GALNT18: variants seen among roughly 807,000 people sequenced by gnomAD.
GALNT18 encodes the protein polypeptide N-acetylgalactosaminyltransferase 18.
A neutral mutation model predicts 69.5 loss-of-function variants in GALNT18; 44 were observed. The observed-to-expected ratio is 0.63, with a 90% CI of 0.50 to 0.81. The LOEUF (loss-of-function observed/expected upper bound fraction) is 0.81, where lower values mean the gene tolerates loss of function less well. Ranked by LOEUF, GALNT18 falls within the 40% of genes least tolerant of loss-of-function variation. The pLI is 0.00. For synonymous variants in GALNT18, 364 were observed against 318.2 expected, an observed-to-expected ratio of 1.14 and a Z score of -1.53; for missense variants, 715 against 810.0, an observed-to-expected ratio of 0.88 and a Z score of 1.42.
intron 1 of GALNT18, among the ~76,000 whole-genome samples, chr11:11,576,285 C>T (rs1403188091): frequency 6.6e-6 from 1 of 152,216 alleles, no homozygotes; most frequent in East Asian, 1.9e-4. Flanking sequence ...GGCTGTGGCT[C>T]CAGGCAGAGC....
At chr11:11,335,334 T>C (rs1850093375) in intron 7 of GALNT18, among the ~76,000 whole-genome samples, 1 of 152,216 alleles carries the variant, frequency 6.6e-6, no homozygotes, top group Non-Finnish European at 1.5e-5. Flanking sequence ...TCCTGTGTAT[T>C]AATTGACTTT....
chr11:11,533,626 C>G (rs1243970768), intron 1 of GALNT18, among the ~76,000 whole-genome samples: 1 of 152,254 alleles, frequency 6.6e-6, no homozygotes, highest in Non-Finnish European at 1.5e-5. Context: ...TTTACCTCCT[C>G]TCCACAACAG....
chr11:11,284,574 A>T (rs944408855), intron 10 of GALNT18, among the ~76,000 whole-genome samples: 2 of 152,196 alleles, frequency 1.3e-5, no homozygotes, highest in African/African-American at 2.4e-5. Flanking sequence ...GGCTGGTCTT[A>T]CTTTTGCAAT....
intron 10 of GALNT18, among the ~76,000 whole-genome samples, chr11:11,287,217 C>T (rs16909327): frequency 6.6e-6 from 1 of 152,190 alleles, no homozygotes; most frequent in African/African-American, 2.4e-5. Context: ...CTTAAATAGT[C>T]CTCAATCCTT....
intron 10 of GALNT18, among the ~76,000 whole-genome samples, chr11:11,275,198 T>C (rs556338340): frequency 3.5e-4 from 53 of 152,318 alleles, no homozygotes; most frequent in African/African-American, 1.1e-3. Flanking sequence ...ACATCCTCTC[T>C]AGCATCTGTT....
chr11:11,334,867 G>A (rs540170555), intron 7 of GALNT18, among the ~76,000 whole-genome samples: 1 of 152,282 alleles, frequency 6.6e-6, no homozygotes, highest in Non-Finnish European at 1.5e-5. Flanking sequence ...CTACTCTGCT[G>A]GGTGAAGAAA....
In GALNT18 at chr11:11,293,090, C is replaced by A; in HGVS notation, c.1616G>T (p.Arg539Leu). 7.2e-7 allele frequency: 1 copy of A among 1,383,118 alleles called. No individual in the cohort carries two copies. Among genetic ancestry groups the A allele is most frequent in the Non-Finnish European group, 9.4e-7 (1 of 1,059,706 alleles). The allele number at this position is 1,383,118 out of a possible 1,614,324, so 85.7% of individuals were successfully genotyped here. A position where few individuals can be genotyped will look rare whatever the true frequency, so the allele number is the denominator to read the frequency against. ...RCLVDVNSRP[R>L]LIECSYAKAK... is the part of the protein sequence containing the mutation. ...TTTGGCGTAGCTGCATTCGATGAGC[C>A]GGGGCCGGCTGTTGACGTCCACCAG... The change falls in exon 10 of 11, where the codon CGG (arginine) becomes CTG (leucine). Residue 539 changes from arginine to leucine, a missense_variant. Arg to Leu is a moderately radical substitution (Grantham distance 102, BLOSUM62 -2). Coordinates refer to ENST00000227756, the MANE Select transcript of GALNT18 (RefSeq NM_198516.3).
At chr11:11,344,081 G>T (rs1327976146) in intron 6 of GALNT18, among the ~76,000 whole-genome samples, 2 of 152,066 alleles carry the variant, frequency 1.3e-5, no homozygotes, top group African/African-American at 4.8e-5. Context: ...AGCAACTGGA[G>T]TGATTGAAGG....
At position 11,555,239 on chromosome 11, in the gene GALNT18, C is replaced by G. The variant is rs1019992752; in HGVS notation, c.235+66120G>C. Among the ~76,000 whole-genome samples the G allele has an allele frequency of 9.9e-5, 15 of 152,198 alleles. No homozygotes were observed. The highest frequency in any genetic ancestry group is 3.6e-4 in the African/African-American group (15 of 41,446). On this transcript the variant is annotated intron_variant, in intron 1 of 10. Coordinates refer to ENST00000227756, the MANE Select transcript of GALNT18 (RefSeq NM_198516.3). The surrounding 1 kb of genome is among the most constrained non-coding windows in gnomAD (Gnocchi z 4.7). ...CCACCATTCATGCCAGCCAAGCTGC[C>G]AAGGACCCAGCCCCTCTCTGACAGC... is the stretch of plus-strand genomic sequence containing the variant.
At chr11:11,385,466 T>C (rs1049229063) in intron 3 of GALNT18, among the ~76,000 whole-genome samples, 3 of 152,048 alleles carry the variant, frequency 2.0e-5, no homozygotes, top group African/African-American at 7.2e-5. Flanking sequence ...CGGCTAATTT[T>C]TTGTATTTTT....
chr11:11,452,472 G>A (rs182148872), intron 1 of GALNT18, among the ~76,000 whole-genome samples: 8 of 152,216 alleles, frequency 5.3e-5, no homozygotes, highest in African/African-American at 1.4e-4. Context: ...TCGGGCCGCC[G>A]GAGTTGGGAC....
chr11:11,279,428 T>A (rs915265487), intron 10 of GALNT18, among the ~76,000 whole-genome samples: 2 of 152,156 alleles, frequency 1.3e-5, no homozygotes, highest in Non-Finnish European at 2.9e-5. Context: ...ACCCAACACT[T>A]CTATCAGAAA....
intron 10 of GALNT18, among the ~76,000 whole-genome samples, chr11:11,281,581 G>C (rs996169547): frequency 6.6e-6 from 1 of 152,158 alleles, no homozygotes. Flanking sequence ...CCGCACAGAA[G>C]ACACCACAGC....
chr11:11,510,996 C>G (rs531628597), intron 1 of GALNT18, among the ~76,000 whole-genome samples: 123 of 152,126 alleles, frequency 8.1e-4, no homozygotes, highest in Middle Eastern at 3.4e-3. Context: ...ACAGACACAA[C>G]CGGCACTCTT....
intron 6 of GALNT18, chr11:11,352,126 C>T (rs1475640881): frequency 1.2e-6 from 2 of 1,613,532 alleles, no homozygotes; most frequent in South Asian, 2.2e-5. Context: ...CCCATTCGAG[C>T]CTGGTCCTTC....
chr11:11,404,793 G>A lies in GALNT18; in HGVS notation c.596-25529C>T, dbSNP rs922435310. The stretch of plus-strand genomic sequence containing the variant: ...GCACAGACCCTGACCATACCCTGGC[G>A]ACTCCATCAGCTATGATTTCACCAC... On this transcript the variant is annotated intron_variant, in intron 3 of 10. Transcript: ENST00000227756. The surrounding 1 kb of genome is among the most constrained non-coding windows in gnomAD (Gnocchi z 4.5). 5.9e-5 allele frequency among the ~76,000 whole-genome samples: 9 copies of A among 151,932 alleles called. No homozygotes were observed. The highest frequency in any genetic ancestry group is 2.4e-5 in the African/African-American group (1 of 41,316).
At chr11:11,440,708 CT>C (rs1263707868) in intron 2 of GALNT18, among the ~76,000 whole-genome samples, 1 of 152,204 alleles carries the variant, frequency 6.6e-6, no homozygotes, top group African/African-American at 2.4e-5. Context: ...CATAGCAGTC[CT>C]TCAGGTTGTT....
intron 1 of GALNT18, among the ~76,000 whole-genome samples, chr11:11,566,177 G>A (rs1271357362): frequency 6.6e-6 from 1 of 152,220 alleles, no homozygotes; most frequent in African/African-American, 2.4e-5. Flanking sequence ...TGCACAGGTT[G>A]GGAAACTTTT....
rs923400098 is a variant in GALNT18 at position 11,314,015 on chromosome 11, C to T, written c.1512+13071G>A. ...AGGTTTGTTACTTTATTTAATAGCA[C>T]CCGCCCCCATTTTACTGATCAGGGA... On this transcript the variant is annotated intron_variant, in intron 9 of 10. Coordinates refer to ENST00000227756, the MANE Select transcript of GALNT18 (RefSeq NM_198516.3). This position sits in a 1 kb window ranked among gnomAD's most constrained non-coding sequence, Gnocchi z 5.2. 2.6e-5 allele frequency among the ~76,000 whole-genome samples: 4 copies of T among 152,060 alleles called. No individual in the cohort carries two copies. Among genetic ancestry groups the T allele is most frequent in the African/African-American group, 9.7e-5 (4 of 41,350 alleles).
Sources: allele counts gnomAD v4.1 joint callset (sites outside exome capture counted in the v4.1 genomes callset), GRCh38; gene constraint gnomAD v4.1.1; non-coding constraint Gnocchi (gnomAD v3.1); transcripts MANE v1.5; gene names NCBI Gene and HGNC (gene_info 2026-07-23, HGNC 2026-07-21).